PHF23: variants seen among roughly 807,000 people sequenced by gnomAD.
PHF23 encodes the protein PHD finger protein 23.
PHF23 carries 3 observed loss-of-function variants against 36.0 expected under a neutral mutation model. The observed-to-expected ratio is 0.08, with a 90% CI of 0.04 to 0.22. The LOEUF is 0.22. PHF23 is among the 10% of genes least tolerant of loss of function. PHF23 has a pLI of 1.00. For missense variants in PHF23, 475 were observed against 513.6 expected (o/e 0.92, Z 0.73); for synonymous variants, 242 against 192.5 (o/e 1.26, Z -2.13).
rs761285839 is a variant in PHF23, at chr17:7,239,289, C to T, written c.-10G>A. On this transcript the variant is annotated 5_prime_UTR_variant, in exon 1 of 5. Transcript: ENST00000320316. ...CCATGGCTTCCAGCATCGCCCCCTCCCCTCCTCCCGGTCCGGCGCCCCCCT... is the reference window on the plus strand; with the variant it reads ...CCATGGCTTCCAGCATCGCCCCCTCTCCTCCTCCCGGTCCGGCGCCCCCCT... The T allele has an allele frequency of 1.8e-5, 26 of 1,441,808 alleles. No individual in the cohort carries two copies. The highest frequency in any genetic ancestry group is 2.4e-5 in the South Asian group (2 of 84,150). The allele number at this position is 1,441,808 out of a possible 1,614,324, so 89.3% of individuals were successfully genotyped here. A position where few individuals can be genotyped will look rare whatever the true frequency, so the allele number is the denominator to read the frequency against.
Position 7,235,782 on chromosome 17 carries a change from G to A in PHF23, c.1056C>T (p.Pro352=), listed in dbSNP as rs758776764. Residue 352 remains proline, a synonymous_variant, in exon 5 of 5, where the codon CCC becomes CCT. Coordinates refer to ENST00000320316, the MANE Select transcript of PHF23 (RefSeq NM_024297.3). ...CYCRKPFAGR[P]MIECSLCGTW... The stretch of plus-strand genomic sequence containing the variant: ...TCCCACACAGGCTGCACTCAATCAT[G>A]GGCCGCCCTGCAAAGGGCTTTCGAC... 1.2e-6 allele frequency: 2 copies of A among 1,614,154 alleles called. No individual in the cohort carries two copies. Among genetic ancestry groups the A allele is most frequent in the South Asian group, 1.1e-5 (1 of 91,090 alleles).
At chr17:7,238,638 A>ACCCCCCCCCCCCC in intron 1 of PHF23, 1 of 339,122 alleles carries the variant, frequency 2.9e-6, no homozygotes, top group Non-Finnish European at 3.3e-6. Flanking sequence ...GCCGGTCTTA[A>ACCCCCCCCCCCCC]CCCCCCCCAC....
Position 7,236,310 on chromosome 17 carries a change from G to T in PHF23, c.617C>A (p.Pro206His). ...FGVLRRPRPT[P>H]GDGEKRSRIK... ...TCGAGATCTCTTTTCCCCATCCCCA[G>T]GAGTTGGCCGAGGCCTCCGAAGCAC... Residue 206 changes from proline (P) to histidine (H), a missense_variant, in exon 4 of 5, where the codon CCT becomes CAT. Pro to His is a moderately conservative substitution (Grantham distance 77). This residue lies in a region of PHF23 where 350 missense variants were observed against 319.8 expected (regional missense o/e 1.09). Transcript: ENST00000320316. This position sits in a 1 kb window ranked among gnomAD's most constrained non-coding sequence, Gnocchi z 5.1. 2 of 1,614,070 alleles carry T rather than the reference G, an allele frequency of 1.2e-6. No individual in the cohort carries two copies. The highest frequency in any genetic ancestry group is 1.7e-6 in the Non-Finnish European group (2 of 1,179,986).
intron 1 of PHF23, chr17:7,238,859 A>T: frequency 6.5e-7 from 1 of 1,529,988 alleles, no homozygotes; most frequent in East Asian, 2.5e-5. Flanking sequence ...AAACTACCCC[A>T]CCTCGGCGAA....
intron 1 of PHF23, 186 bp from the exon 2 acceptor site, chr17:7,237,846 C>A (rs1258602029): frequency 3.0e-6 from 2 of 667,214 alleles, no homozygotes; most frequent in Non-Finnish European, 5.0e-6. Flanking sequence ...GGAGCCTGGG[C>A]GCGGCGCCCT....
chr17:7,239,356 GCTC>G lies in PHF23; in HGVS notation c.-80_-78del, dbSNP rs1182036000. On this transcript the variant is annotated 5_prime_UTR_variant, in exon 1 of 5. Coordinates refer to ENST00000320316, the MANE Select transcript of PHF23 (RefSeq NM_024297.3). ...CCCGGTGCCGCCTCTAGTGCTCGAT[GCTC>G]CCACTGCTTCGCTCCACAGAAGTGT... is the stretch of plus-strand genomic sequence containing the variant. 1.1e-5 allele frequency: 8 copies of G among 732,586 alleles called. No homozygotes were observed. In the Admixed American group the frequency reaches 1.7e-4, roughly 15 times the overall value. 45.4% of individuals were successfully genotyped at this position (732,586 alleles called of 1,614,324 possible). A position where few individuals can be genotyped will look rare whatever the true frequency, so the allele number is the denominator to read the frequency against.
chr17:7,239,412 C>G lies in PHF23; in HGVS notation c.-133G>C. On this transcript the variant is annotated 5_prime_UTR_variant, in exon 1 of 5. Transcript: ENST00000320316. The stretch of plus-strand genomic sequence containing the variant: ...GCCTCAGCCCGGTTGAGACTCGAGT[C>G]CGCTAGCCGCTGCCGCCACCTCCCT... 4.0e-6 allele frequency: 2 copies of G among 498,196 alleles called. No homozygotes were observed. The highest frequency in any genetic ancestry group is 6.6e-5 in the Admixed American group (2 of 30,322). 30.9% of individuals were successfully genotyped at this position (498,196 alleles called of 1,614,324 possible).
In PHF23 at chr17:7,236,405, G is replaced by T. The variant is rs1186763715; in HGVS notation, c.522C>A (p.Leu174=). Residue 174 remains leucine (L), a synonymous_variant, in exon 4 of 5, where the codon CTC becomes CTA. Transcript: ENST00000320316. This position sits in a 1 kb window ranked among gnomAD's most constrained non-coding sequence, Gnocchi z 5.1. ...LTPVPLSQGD[L]SHPPRKKDRK... ...GGTCCTTCTTTCGAGGAGGATGGGA[G>T]AGGTCCCCCTGGGAAAGGGGCACGG... 1 of 1,613,944 alleles carries T rather than the reference G, an allele frequency of 6.2e-7. No homozygotes were observed. Among genetic ancestry groups the T allele is most frequent in the Non-Finnish European group, 8.5e-7 (1 of 1,180,026 alleles).
intron 2 of PHF23, 48 bp downstream of exon 2, chr17:7,237,581 G>A (rs1232484131): frequency 2.5e-6 from 4 of 1,611,356 alleles, no homozygotes; most frequent in Non-Finnish European, 3.4e-6. Context: ...GGGGCGGGGG[G>A]CGTTGTCAGG....
Position 7,235,691 on chromosome 17 carries a change from T to G in PHF23, c.1147A>C (p.Lys383Gln). 6.2e-7 allele frequency: 1 copy of G among 1,614,214 alleles called. No homozygotes were observed. The highest frequency in any genetic ancestry group is 8.5e-7 in the Non-Finnish European group (1 of 1,180,042). ...TNVPDFFYCQ[K>Q]CKELRPEARR... The stretch of plus-strand genomic sequence containing the variant: ...GCCTCTGGCCTCAGTTCCTTGCATT[T>G]CTGGCAATAAAAGAAGTCGGGGACG... Residue 383 changes from lysine to glutamine, a missense_variant, in exon 5 of 5, where the codon AAA (lysine) becomes CAA (glutamine). Transcript: ENST00000320316.
Position 7,236,705 on chromosome 17 carries a change from A to G in PHF23, c.222T>C (p.Ser74=). 6.2e-7 allele frequency: 1 copy of G among 1,613,926 alleles called. No individual in the cohort carries two copies. The highest frequency in any genetic ancestry group is 8.5e-7 in the Non-Finnish European group (1 of 1,180,002). Residue 74 remains serine, a synonymous_variant, in exon 4 of 5, where the codon AGT becomes AGC. Coordinates refer to ENST00000320316, the MANE Select transcript of PHF23 (RefSeq NM_024297.3). The surrounding 1 kb of genome is among the most constrained non-coding windows in gnomAD (Gnocchi z 5.1). ...CTGAGGGGGCCGAGTCCCAGCCATCACTGTCGGCCGCACTCTCTCCTCGCA... is the reference window on the plus strand; with the variant it reads ...CTGAGGGGGCCGAGTCCCAGCCATCGCTGTCGGCCGCACTCTCTCCTCGCA... ...SPLRGESAAD[S]DGWDSAPSDL...
upstream of PHF23, chr17:7,239,474 T>G: frequency 7.6e-5 from 25 of 327,404 alleles, no homozygotes; most frequent in East Asian, 1.8e-4. Flanking sequence ...CCGGGCCCCC[T>G]CCCCCCGCGC....
Position 7,236,352 on chromosome 17 carries a change from G to A in PHF23, c.575C>T (p.Ala192Val). ...CCGAAGCACCCCAAAGCCAGCCCCA[G>A]CTCCTGGCCCCAACTTTCGGTTCTT... The part of the protein sequence containing the change: ...DRKNRKLGPG[A>V]GAGFGVLRRP... Residue 192 changes from alanine to valine, a missense_variant, in exon 4 of 5, where the codon GCT (alanine) becomes GTT (valine). Around this residue, in one of 5 missense-constraint regions of PHF23, gnomAD observed 350 missense variants for 319.8 expected, o/e 1.09. Coordinates refer to ENST00000320316, the MANE Select transcript of PHF23 (RefSeq NM_024297.3). The surrounding 1 kb of genome is among the most constrained non-coding windows in gnomAD (Gnocchi z 5.1). 1 of 1,614,164 alleles carries A rather than the reference G, an allele frequency of 6.2e-7. No homozygotes were observed. Among genetic ancestry groups the A allele is most frequent in the Non-Finnish European group, 8.5e-7 (1 of 1,180,030 alleles).
chr17:7,240,439 T>G (rs2071764114), upstream of PHF23: 1 of 169,478 alleles, frequency 5.9e-6, no homozygotes, highest in Non-Finnish European at 1.3e-5. Flanking sequence ...TGGTTTCCTC[T>G]TTATTGATGT....
chr17:7,235,858 T>G lies in PHF23; in HGVS notation c.998-18A>C, dbSNP rs762810429. On this transcript the variant is annotated intron_variant, in intron 4 of 4. Transcript: ENST00000320316. ...GTCATCACCTGGGGAAAAAAAGGTT[T>G]GTTTGGTATTCTGCCTGAGCTGTTG... The G allele has an allele frequency of 2.4e-5, 39 of 1,613,878 alleles. No homozygotes were observed. The South Asian group carries it at 3.0e-4, about 12-fold the overall frequency.
intron 1 of PHF23, 73 bp downstream of exon 1, chr17:7,239,173 A>T: frequency 9.0e-7 from 1 of 1,112,638 alleles, no homozygotes; most frequent in Admixed American, 2.2e-5. Flanking sequence ...CCGGGGCTCG[A>T]CCTCCAAGTT....
Position 7,235,450 on chromosome 17 carries a change from T to C in PHF23, c.*176A>G. 1 of 655,014 alleles carries C rather than the reference T, an allele frequency of 1.5e-6. No individual in the cohort carries two copies. Among genetic ancestry groups the C allele is most frequent in the East Asian group, 2.7e-5 (1 of 36,742 alleles). The allele number at this position is 655,014 out of a possible 1,614,324, so 40.6% of individuals were successfully genotyped here. On this transcript the variant is annotated 3_prime_UTR_variant, in exon 5 of 5. Coordinates refer to ENST00000320316, the MANE Select transcript of PHF23 (RefSeq NM_024297.3). ...TGGATTCAATTTCAAGTCCACAGAGTGGGGAGGAAGGATAGGGTGGGAAAG... is the reference window on the plus strand; with the variant it reads ...TGGATTCAATTTCAAGTCCACAGAGCGGGGAGGAAGGATAGGGTGGGAAAG...
chr17:7,238,631 G>C, intron 1 of PHF23: 3 of 650,514 alleles, frequency 4.6e-6, no homozygotes, highest in Non-Finnish European at 3.4e-6. Context: ...ACAAGTCGCC[G>C]GTCTTAACCC....
chr17:7,235,500 C>T lies in PHF23; in HGVS notation c.*126G>A. 1.1e-6 allele frequency: 1 copy of T among 950,104 alleles called. No homozygotes were observed. Among genetic ancestry groups the T allele is most frequent in the Non-Finnish European group, 1.6e-6 (1 of 620,408 alleles). The allele number at this position is 950,104 out of a possible 1,614,324, so 58.9% of individuals were successfully genotyped here. On this transcript the variant is annotated 3_prime_UTR_variant, in exon 5 of 5. Coordinates refer to ENST00000320316, the MANE Select transcript of PHF23 (RefSeq NM_024297.3). ...GTGAGACACTCATTTTCAAACAAGT[C>T]TCCCTTGAGAATTCCTGCCTTGAAG...
Sources: allele counts gnomAD v4.1 joint callset, GRCh38; gene constraint gnomAD v4.1.1; regional missense constraint gnomAD v4.1.1; non-coding constraint Gnocchi (gnomAD v3.1); transcripts MANE v1.5; gene names NCBI Gene and HGNC (gene_info 2026-07-23, HGNC 2026-07-21).